The following CDC123 variants were observed in gnomAD, a reference collection of about 807,000 sequenced individuals.
The protein encoded by CDC123 is cell division cycle 123, also known as translation initiation factor eIF2 assembly protein.
A neutral mutation model predicts 54.4 loss-of-function variants in CDC123; 37 were observed. The ratio of observed to expected loss-of-function variants is 0.68; its 90% confidence interval spans 0.52 to 0.89. The LOEUF is 0.89. CDC123 is among the 40% of genes least tolerant of loss of function. The pLI is 0.00. For synonymous variants in CDC123, 144 were observed against 136.8 expected (o/e 1.05, Z -0.37); for missense variants, 361 against 412.1 (o/e 0.88, Z 1.07).
Position 12,237,271 on chromosome 10 carries a change from G to T in CDC123, c.688+5G>T. The T allele has an allele frequency of 6.5e-7, 1 of 1,532,972 alleles. No individual in the cohort carries two copies. Among genetic ancestry groups the T allele is most frequent in the East Asian group, 2.4e-5 (1 of 41,744 alleles). 95.0% of individuals were successfully genotyped at this position (1,532,972 alleles called of 1,614,324 possible). A position where few individuals can be genotyped will look rare whatever the true frequency, so the allele number is the denominator to read the frequency against. On this transcript the variant is annotated splice_donor_5th_base_variant and intron_variant, in intron 9 of 12. Coordinates refer to ENST00000281141, the MANE Select transcript of CDC123 (RefSeq NM_006023.3). ...ACAAATTCTTAGATGAAGACTGTGA[G>T]TATTTTTTTATTGATCCAGTAAAAT...
intron 10 of CDC123, among the ~76,000 whole-genome samples, chr10:12,238,826 C>T (rs183090505): frequency 6.6e-6 from 1 of 152,056 alleles, no homozygotes; most frequent in East Asian, 1.9e-4. Flanking sequence ...TCAAGATCAG[C>T]CTCGGCAACA....
intron 7 of CDC123, among the ~76,000 whole-genome samples, chr10:12,232,708 C>T (rs982654678): frequency 5.3e-5 from 8 of 152,224 alleles, no homozygotes; most frequent in East Asian, 1.9e-4. Flanking sequence ...TATTGCTTCA[C>T]GCAACGAACA....
chr10:12,222,908 T>TC (rs1399328710), intron 6 of CDC123, among the ~76,000 whole-genome samples: 10 of 151,882 alleles, frequency 6.6e-5, no homozygotes, highest in Non-Finnish European at 1.5e-4. Context: ...TTTTTTTTTT[T>TC]TGAGACGGAG....
chr10:12,200,196 A>G (rs1033559257), intron 2 of CDC123, among the ~76,000 whole-genome samples: 1 of 135,746 alleles, frequency 7.4e-6, no homozygotes, highest in East Asian at 2.3e-4. Flanking sequence ...GCTCAATCTC[A>G]GCTCACTGCA....
chr10:12,219,007 A>G (rs891067496), intron 6 of CDC123, among the ~76,000 whole-genome samples: 1 of 152,250 alleles, frequency 6.6e-6, no homozygotes, highest in Non-Finnish European at 1.5e-5. Context: ...CAGAACCTAG[A>G]AGCAGGAGCA....
rs757011846 is a variant in CDC123 at position 12,246,146 on chromosome 10, C to T, written c.718-3C>T. ...TTTTGTTTTTTCTCTCTCTGTGCTA[C>T]AGGGGAAGGTGTGGCTCATTGACTT... On this transcript the variant is annotated splice_region_variant and splice_polypyrimidine_tract_variant and intron_variant, in intron 10 of 12. Transcript: ENST00000281141. The T allele has an allele frequency of 7.9e-5, 128 of 1,613,094 alleles. 1 individual carries two copies. In the Admixed American group the frequency reaches 2.1e-3, roughly 27 times the overall value.
Position 12,217,814 on chromosome 10 carries a change from C to T in CDC123, c.440+347C>T, listed in dbSNP as rs141978517. Among the ~76,000 whole-genome samples, 1,140 of 152,124 alleles carry T rather than the reference C, an allele frequency of 7.5e-3. 8 individuals carry two copies. Among genetic ancestry groups the T allele is most frequent in the African/African-American group, 9.0e-3 (373 of 41,488 alleles). ...ATATAAAAGCTCTCATGGCCGGGCG[C>T]GGTGGCTCACGCCTGGGATTCCCAG... On this transcript the variant is annotated intron_variant, in intron 6 of 12. Transcript: ENST00000281141.
chr10:12,235,092 T>A lies in CDC123; in HGVS notation c.534T>A (p.Phe178Leu). ...KWCELIPGAEFRCFVKENKLI... is the reference protein window; with the variant it reads ...KWCELIPGAELRCFVKENKLI... ...GTGAATTGATTCCTGGGGCTGAGTT[T>A]CGATGTTTTGTCAAGGAAAACAAGC... The change falls in exon 8 of 13, where the codon TTT becomes TTA. Residue 178 changes from phenylalanine to leucine, a missense_variant. By Grantham distance (22) the Phe-to-Leu change is conservative (BLOSUM62 0). Transcript: ENST00000281141. The A allele has an allele frequency of 6.2e-7, 1 of 1,614,112 alleles. No homozygotes were observed.
chr10:12,196,631 G>A (rs569084279), intron 1 of CDC123, among the ~76,000 whole-genome samples: 6 of 152,268 alleles, frequency 3.9e-5, no homozygotes, highest in African/African-American at 1.2e-4. Context: ...CTGCCTAAGT[G>A]CACTCGGAGA....
intron 6 of CDC123, among the ~76,000 whole-genome samples, chr10:12,218,134 G>A (rs2131742238): frequency 6.6e-6 from 1 of 151,164 alleles, no homozygotes; most frequent in African/African-American, 2.4e-5. Flanking sequence ...GCCACAATTG[G>A]TTATTATATT....
At chr10:12,196,491 G>A (rs1432560308) in intron 1 of CDC123, among the ~76,000 whole-genome samples, 172 bp downstream of exon 1, 2 of 152,232 alleles carry the variant, frequency 1.3e-5, no homozygotes, top group Admixed American at 1.3e-4. Context: ...GCCAGCGAGT[G>A]TGCTGGCTAG....
chr10:12,217,766 T>C (rs1189559508), intron 6 of CDC123, among the ~76,000 whole-genome samples: 1 of 152,170 alleles, frequency 6.6e-6, no homozygotes, highest in African/African-American at 2.4e-5. Context: ...AAATTAGGGA[T>C]TACAGCTAAA....
intron 10 of CDC123, among the ~76,000 whole-genome samples, chr10:12,243,364 C>T (rs1036102522): frequency 4.0e-5 from 6 of 149,798 alleles, no homozygotes; most frequent in Non-Finnish European, 8.8e-5. Flanking sequence ...CACCATTGCA[C>T]TCCTGCCTGG....
intron 7 of CDC123, among the ~76,000 whole-genome samples, chr10:12,233,109 A>G (rs1049474760): frequency 2.6e-5 from 4 of 152,104 alleles, no homozygotes; most frequent in African/African-American, 9.7e-5. Context: ...TTTATTTACC[A>G]GCAGTTTGCT....
chr10:12,204,753 A>T (rs1382713598), intron 2 of CDC123, among the ~76,000 whole-genome samples: 1 of 152,014 alleles, frequency 6.6e-6, no homozygotes, highest in East Asian at 1.9e-4. Context: ...GCACTTTTGG[A>T]GGCTCAGGTG....
chr10:12,241,297 T>G (rs1164734659), intron 10 of CDC123, among the ~76,000 whole-genome samples: 1 of 152,228 alleles, frequency 6.6e-6, no homozygotes, highest in South Asian at 2.1e-4. Flanking sequence ...ATTACAGAGA[T>G]TAGGCCTTTG....
chr10:12,227,145 A>C (rs1835832484), intron 6 of CDC123, among the ~76,000 whole-genome samples: 1 of 152,118 alleles, frequency 6.6e-6, no homozygotes, highest in Non-Finnish European at 1.5e-5. Flanking sequence ...AATCCCAGGC[A>C]CTCGGCAGGC....
intron 4 of CDC123, among the ~76,000 whole-genome samples, chr10:12,214,403 G>A (rs1218861480): frequency 6.6e-6 from 1 of 152,204 alleles, no homozygotes; most frequent in Non-Finnish European, 1.5e-5. Context: ...TGGATGGGGA[G>A]AGATGAATGG....
chr10:12,219,886 C>T (rs553390957), intron 6 of CDC123, among the ~76,000 whole-genome samples: 1 of 152,266 alleles, frequency 6.6e-6, no homozygotes, highest in African/African-American at 2.4e-5. Context: ...GACGGTGTTT[C>T]ACCACGTTAG....
Sources: gnomAD v4.1 joint callset for allele counts (sites outside exome capture counted in the v4.1 genomes callset) on GRCh38, gnomAD v4.1.1 for gene constraint, MANE v1.5 for transcripts, NCBI Gene and HGNC (gene_info 2026-07-23, HGNC 2026-07-21) for gene names.